PCNX2: variants seen among roughly 807,000 people sequenced by gnomAD.
PCNX2 encodes pecanex 2.
Under a neutral mutation model 223.8 loss-of-function variants are expected in PCNX2, and 168 were observed. That is an observed-to-expected ratio of 0.75 (90% CI 0.66 to 0.85). The LOEUF (loss-of-function observed/expected upper bound fraction) is 0.85. Among genes scored for constraint, PCNX2 ranks in the 40% least tolerant of loss-of-function variants. The pLI is 0.00. For missense variants in PCNX2, 2,507 were observed against 2,675.5 expected, an observed-to-expected ratio of 0.94 and a Z score of 1.39; for synonymous variants, 1,006 against 1,052.6, an observed-to-expected ratio of 0.96 and a Z score of 0.86.
chr1:233,149,001 G>A (rs541118107), intron 19 of PCNX2, among the ~76,000 whole-genome samples: 16 of 152,308 alleles, frequency 1.1e-4, no homozygotes, highest in Middle Eastern at 3.4e-3. Context: ...GCAGCAGCAC[G>A]GCAAATGTGC....
intron 23 of PCNX2, among the ~76,000 whole-genome samples, chr1:233,072,961 T>G (rs574014141): frequency 6.6e-6 from 1 of 152,362 alleles, no homozygotes; most frequent in Non-Finnish European, 1.5e-5. Context: ...TGGTGTTAAT[T>G]CTTCTTTCAA....
chr1:233,191,799 G>T (rs1680434143), intron 15 of PCNX2, among the ~76,000 whole-genome samples: 2 of 152,178 alleles, frequency 1.3e-5, no homozygotes, highest in African/African-American at 4.8e-5. Flanking sequence ...TTACCACTTG[G>T]CCTTGCACGT....
chr1:233,252,783 A>G lies in PCNX2; in HGVS notation c.1840T>C (p.Cys614Arg). 2 of 1,605,974 alleles carry G rather than the reference A, an allele frequency of 1.2e-6. No individual in the cohort carries two copies. The highest frequency in any genetic ancestry group is 8.5e-7 in the Non-Finnish European group (1 of 1,177,908). The change falls in exon 6 of 34, where the codon TGT becomes CGT. Residue 614 changes from cysteine (C) to arginine (R), a missense_variant. Coordinates refer to ENST00000258229, the MANE Select transcript of PCNX2 (RefSeq NM_014801.4). ...ATTTCCTCCTTTTTTTCCTGGGAAC[A>G]GTTATCTGAAAAACATTGCTTTACT... ...NEESGLLRDN[C>R]SQEKKEEILE...
intron 12 of PCNX2, among the ~76,000 whole-genome samples, chr1:233,209,622 T>C (rs762052528): frequency 5.9e-5 from 9 of 152,234 alleles, no homozygotes; most frequent in Non-Finnish European, 8.8e-5. Context: ...CAATTTAAAT[T>C]GCCACTGCTT....
the PCNX2 span, among the ~76,000 whole-genome samples, chr1:233,302,090 G>A: frequency 1.9e-3 from 291 of 152,020 alleles, no homozygotes; most frequent in Non-Finnish European, 3.4e-3. Flanking sequence ...ACTGCGCCCA[G>A]CCAAGAACAA....
chr1:232,992,142 T>C lies in PCNX2; in HGVS notation c.5792-5602A>G, dbSNP rs1263565581. 4.6e-5 allele frequency among the ~76,000 whole-genome samples: 7 copies of C among 152,336 alleles called. No homozygotes were observed. The East Asian group carries it at 7.7e-4, about 17-fold the overall frequency. On this transcript the variant is annotated intron_variant, in intron 32 of 33. Transcript: ENST00000258229. ...AGCAGGCCTTGTTCAATCTCCCCTG[T>C]CTTCTTCCAGCTCTCTGACCCTCTG...
chr1:233,117,369 C>T (rs1457479499), intron 21 of PCNX2, among the ~76,000 whole-genome samples: 5 of 151,028 alleles, frequency 3.3e-5, no homozygotes, highest in South Asian at 2.1e-4. Context: ...CGGTTGCTCA[C>T]GCCTGTAATC....
chr1:233,132,998 G>C (rs7554137), intron 21 of PCNX2, among the ~76,000 whole-genome samples: 2 of 149,218 alleles, frequency 1.3e-5, no homozygotes, highest in Admixed American at 1.4e-4. Context: ...TCCTGGGTTC[G>C]AGCAATTCCC....
At chr1:233,267,333 A>G (rs986266832) in intron 1 of PCNX2, among the ~76,000 whole-genome samples, 1 of 152,144 alleles carries the variant, frequency 6.6e-6, no homozygotes, top group African/African-American at 2.4e-5. Context: ...CAAAAAACAA[A>G]CAAAAAAAAA....
chr1:233,243,437 T>C (rs979061545), intron 8 of PCNX2, among the ~76,000 whole-genome samples: 3 of 152,248 alleles, frequency 2.0e-5, no homozygotes, highest in African/African-American at 7.2e-5. Flanking sequence ...AAAGTTTATG[T>C]TTGTTTACTG....
chr1:233,236,770 A>T (rs904242771), intron 9 of PCNX2, 75 bp downstream of exon 9: 1 of 1,568,566 alleles, frequency 6.4e-7, no homozygotes, highest in Non-Finnish European at 8.7e-7. Flanking sequence ...CTGTCAAGTA[A>T]TCCAACCTGG....
chr1:233,259,428 C>A, intron 4 of PCNX2, 84 bp from the exon 5 acceptor site: 1 of 1,434,858 alleles, frequency 7.0e-7, no homozygotes, highest in South Asian at 1.5e-5. Flanking sequence ...AATAACAAAA[C>A]TAAAACAGCA....
chr1:233,233,078 A>G (rs1161857918), intron 9 of PCNX2: 3 of 951,932 alleles, frequency 3.2e-6, no homozygotes, highest in Admixed American at 6.2e-5. Flanking sequence ...CTGCCTCTCA[A>G]CCAGCAGTGT....
At chr1:233,056,908 G>T (rs1328580751) in intron 24 of PCNX2, among the ~76,000 whole-genome samples, 3 of 152,128 alleles carry the variant, frequency 2.0e-5, no homozygotes, top group African/African-American at 4.8e-5. Flanking sequence ...TTTTTCCAAA[G>T]AATTTTTTTT....
intron 8 of PCNX2, among the ~76,000 whole-genome samples, chr1:233,250,087 T>G (rs1349134840): frequency 6.6e-6 from 1 of 152,150 alleles, no homozygotes; most frequent in African/African-American, 2.4e-5. Context: ...CATGAACAAT[T>G]TACTTCCACA....
At chr1:233,119,431 A>T (rs2102731628) in intron 21 of PCNX2, among the ~76,000 whole-genome samples, 1 of 137,068 alleles carries the variant, frequency 7.3e-6, no homozygotes, top group East Asian at 2.2e-4. Flanking sequence ...AAAAAAAAAA[A>T]AAAAATTGCC....
chr1:233,200,164 A>G lies in PCNX2; in HGVS notation c.2964T>C (p.Phe988=). Reference sequence around the variant, plus strand: ...ATGTAAACGACTTACCAGAACCACCAAAAAACAGCATGTCAATTTGCTCCA... The same window carrying G: ...ATGTAAACGACTTACCAGAACCACCGAAAAACAGCATGTCAATTTGCTCCA... The part of the protein sequence containing the change: ...YLLEQIDMLF[F]GGSAVSGITS... The change falls in exon 14 of 34, where the codon TTT becomes TTC. Residue 988 remains phenylalanine, a synonymous_variant. Coordinates refer to ENST00000258229, the MANE Select transcript of PCNX2 (RefSeq NM_014801.4). 6.3e-7 allele frequency: 1 copy of G among 1,581,084 alleles called. No homozygotes were observed. Among genetic ancestry groups the G allele is most frequent in the Non-Finnish European group, 8.6e-7 (1 of 1,161,766 alleles).
At chr1:233,240,369 A>T (rs1218982364) in intron 8 of PCNX2, among the ~76,000 whole-genome samples, 3 of 152,198 alleles carry the variant, frequency 2.0e-5, no homozygotes, top group Admixed American at 1.3e-4. Context: ...TGTGAGCAGC[A>T]TAATCATCTA....
intron 10 of PCNX2, among the ~76,000 whole-genome samples, chr1:233,226,209 G>A (rs1657704698): frequency 6.6e-6 from 1 of 152,130 alleles, no homozygotes; most frequent in Admixed American, 6.5e-5. Flanking sequence ...CAAATTTTGA[G>A]GTAGGAAAAG....
Sources: gnomAD v4.1 joint callset for allele counts (sites outside exome capture counted in the v4.1 genomes callset) on GRCh38, gnomAD v4.1.1 for gene constraint, MANE v1.5 for transcripts, NCBI Gene and HGNC (gene_info 2026-07-23, HGNC 2026-07-21) for gene names.